CMAS: variants seen among roughly 807,000 people sequenced by gnomAD.
CMAS encodes the protein N-acylneuraminate cytidylyltransferase.
Under a neutral mutation model 53.4 loss-of-function variants are expected in CMAS, and 21 were observed. The observed-to-expected ratio is 0.39, with a 90% confidence interval of 0.28 to 0.57. The LOEUF (loss-of-function observed/expected upper bound fraction) is 0.57, where lower values mean the gene tolerates loss of function less well. CMAS is among the 20% of genes least tolerant of loss of function. The pLI is 0.56. For missense variants in CMAS, 384 were observed against 534.9 expected (o/e 0.72, Z 2.78); for synonymous variants, 189 against 195.2 (o/e 0.97, Z 0.27).
chr12:22,057,915 C>A (rs1474852050), intron 3 of CMAS, among the ~76,000 whole-genome samples: 2 of 151,222 alleles, frequency 1.3e-5, no homozygotes, highest in Admixed American at 6.6e-5. Context: ...GCAATCTCCC[C>A]CCCCCGGGTT....
chr12:22,064,728 T>C (rs1591796159), intron 7 of CMAS, among the ~76,000 whole-genome samples: 1 of 152,158 alleles, frequency 6.6e-6, no homozygotes, highest in Admixed American at 6.5e-5. Context: ...GAAAACAATA[T>C]TACTAAGTGA....
At chr12:22,057,472 A>G (rs1345100489) in intron 3 of CMAS, among the ~76,000 whole-genome samples, 1 of 152,216 alleles carries the variant, frequency 6.6e-6, no homozygotes, top group African/African-American at 2.4e-5. Flanking sequence ...TGTTACATAA[A>G]CATTTTCATC....
Position 22,065,505 on chromosome 12 carries a change from T to G in CMAS, c.*194T>G. 1.9e-6 allele frequency: 1 copy of G among 525,658 alleles called. No homozygotes were observed. 32.6% of individuals were successfully genotyped at this position (525,658 alleles called of 1,614,324 possible). ...ACTGATTACAGTCTTTCTCAGATTT[T>G]TAGTAAATGCAAGTAAGAACATCAT... On this transcript the variant is annotated 3_prime_UTR_variant, in exon 8 of 8. Coordinates refer to ENST00000229329, the MANE Select transcript of CMAS (RefSeq NM_018686.6).
intron 1 of CMAS, among the ~76,000 whole-genome samples, chr12:22,050,840 T>C (rs1008665367): frequency 5.3e-5 from 8 of 152,044 alleles, no homozygotes; most frequent in African/African-American, 1.9e-4. Context: ...CTAAGCTTCT[T>C]ATGAGCAAGT....
rs893688756 is a variant in CMAS, at chr12:22,047,617, C to G, written c.260+1054C>G. Among the ~76,000 whole-genome samples the G allele has an allele frequency of 2.0e-5, 3 of 152,156 alleles. No individual in the cohort carries two copies. In the East Asian group the frequency reaches 5.8e-4, roughly 29 times the overall value. ...CTTAATGTTTCAACCCAAAAGAAGT[C>G]CTGGATGGACCAAGGCAAATAGGAG... On this transcript the variant is annotated intron_variant, in intron 1 of 7. Coordinates refer to ENST00000229329, the MANE Select transcript of CMAS (RefSeq NM_018686.6).
Position 22,065,595 on chromosome 12 carries a change from TTTTA to T in CMAS, c.*290_*293del, listed in dbSNP as rs1313594189. On this transcript the variant is annotated 3_prime_UTR_variant, in exon 8 of 8. Coordinates refer to ENST00000229329, the MANE Select transcript of CMAS (RefSeq NM_018686.6). ...TTGTGTGCTTTCAAAGATGTTGGGATTTTATTTATCTGGGGACAGTGTGTATGGT... is the reference window on the plus strand; with the variant it reads ...TTGTGTGCTTTCAAAGATGTTGGGATTTTATCTGGGGACAGTGTGTATGGT... The T allele has an allele frequency of 3.3e-5, 8 of 240,562 alleles. No individual in the cohort carries two copies. The highest frequency in any genetic ancestry group is 6.7e-5 in the African/African-American group (3 of 44,930). The allele number at this position is 240,562 out of a possible 1,614,324, so 14.9% of individuals were successfully genotyped here. A position where few individuals can be genotyped will look rare whatever the true frequency, so the allele number is the denominator to read the frequency against.
chr12:22,058,490 A>G lies in CMAS; in HGVS notation c.560-77A>G, dbSNP rs1302371671. 5 of 1,295,946 alleles carry G rather than the reference A, an allele frequency of 3.9e-6. No individual in the cohort carries two copies. The African/African-American group carries it at 4.5e-5, about 12-fold the overall frequency. The allele number at this position is 1,295,946 out of a possible 1,614,324, so 80.3% of individuals were successfully genotyped here. ...TGCTCTGCATTCTGAGTTCATTTTT[A>G]TTAACTTTTTTAGTTACTAAATTAA... On this transcript the variant is annotated intron_variant, in intron 3 of 7. Coordinates refer to ENST00000229329, the MANE Select transcript of CMAS (RefSeq NM_018686.6).
At position 22,065,408 on chromosome 12, in the gene CMAS, G is replaced by C; in HGVS notation, c.*97G>C. ...AAATTCCATGTTGTAATGTTACAGA[G>C]AGTGTGATTTGGTTTGTGATATATA... On this transcript the variant is annotated 3_prime_UTR_variant, in exon 8 of 8. Coordinates refer to ENST00000229329, the MANE Select transcript of CMAS (RefSeq NM_018686.6). 1.1e-6 allele frequency: 1 copy of C among 941,512 alleles called. No homozygotes were observed. Among genetic ancestry groups the C allele is most frequent in the East Asian group, 2.5e-5 (1 of 40,782 alleles). 58.3% of individuals were successfully genotyped at this position (941,512 alleles called of 1,614,324 possible).
intron 1 of CMAS, among the ~76,000 whole-genome samples, chr12:22,047,229 T>C (rs1435716590): frequency 6.6e-6 from 1 of 152,190 alleles, no homozygotes; most frequent in African/African-American, 2.4e-5. Flanking sequence ...ATCATACCTT[T>C]GGAACCTCGC....
chr12:22,055,063 A>C (rs994389007), intron 1 of CMAS, 86 bp from the exon 2 acceptor site: 5 of 927,672 alleles, frequency 5.4e-6, no homozygotes, highest in African/African-American at 5.1e-5. Context: ...ACATTATATA[A>C]GCTGTATTTT....
At chr12:22,056,038 G>C (rs1205179480) in intron 3 of CMAS, among the ~76,000 whole-genome samples, 2 of 152,044 alleles carry the variant, frequency 1.3e-5, no homozygotes, top group African/African-American at 4.8e-5. Context: ...ATATAAGAAG[G>C]GTTCCCTAGG....
At chr12:22,049,215 G>A (rs1018120151) in intron 1 of CMAS, among the ~76,000 whole-genome samples, 2 of 152,118 alleles carry the variant, frequency 1.3e-5, no homozygotes, top group Non-Finnish European at 2.9e-5. Context: ...TGCTTGTATT[G>A]CTACAGTATA....
At chr12:22,047,341 C>A (rs1419298604) in intron 1 of CMAS, among the ~76,000 whole-genome samples, 2 of 152,142 alleles carry the variant, frequency 1.3e-5, no homozygotes, top group Admixed American at 1.3e-4. Flanking sequence ...AGATCGAATT[C>A]TGTGCCAAGA....
Position 22,055,395 on chromosome 12 carries a change from T to G in CMAS, c.404-60T>G, listed in dbSNP as rs542650735. ...ACATTTGAATTCCAAACCTTAATAT[T>G]ACTTGCTTGCAAGGAACTTTTTTTT... On this transcript the variant is annotated intron_variant, in intron 2 of 7. Transcript: ENST00000229329. 96 of 1,501,244 alleles carry G rather than the reference T, an allele frequency of 6.4e-5. 1 individual carries two copies. In the South Asian group the frequency reaches 1.1e-3, roughly 18 times the overall value. 93.0% of individuals were successfully genotyped at this position (1,501,244 alleles called of 1,614,324 possible). A position where few individuals can be genotyped will look rare whatever the true frequency, so the allele number is the denominator to read the frequency against.
In CMAS at chr12:22,046,431, C is replaced by A. The variant is rs750689411; in HGVS notation, c.128C>A (p.Pro43Gln). 1.0e-5 allele frequency: 16 copies of A among 1,607,896 alleles called. No homozygotes were observed. The highest frequency in any genetic ancestry group is 1.3e-5 in the Non-Finnish European group (15 of 1,177,958). ...CAGGGCCGAGGTGTGGAGAAGCCCC[C>A]GCACCTGGCAGCCCTAATTCTGGCC... The part of the protein sequence containing the change: ...GGQGRGVEKP[P>Q]HLAALILARG... The change falls in exon 1 of 8, where the codon CCG (proline) becomes CAG (glutamine). Residue 43 changes from proline to glutamine, a missense_variant. Transcript: ENST00000229329.
chr12:22,046,852 C>A (rs1950210290), intron 1 of CMAS, among the ~76,000 whole-genome samples: 2 of 152,200 alleles, frequency 1.3e-5, no homozygotes, highest in South Asian at 4.1e-4. Context: ...CCAACCGTCC[C>A]CTCCTCCCGG....
chr12:22,048,828 T>C (rs948487039), intron 1 of CMAS, among the ~76,000 whole-genome samples: 1 of 152,162 alleles, frequency 6.6e-6, no homozygotes, highest in Non-Finnish European at 1.5e-5. Flanking sequence ...CTCATAAGGA[T>C]AGAAGATTGT....
intron 1 of CMAS, among the ~76,000 whole-genome samples, chr12:22,054,818 C>T (rs994328650): frequency 4.6e-5 from 7 of 151,986 alleles, no homozygotes; most frequent in African/African-American, 1.7e-4. Flanking sequence ...CAGATTATTT[C>T]GTCATTCAGG....
At chr12:22,063,723 A>AT (rs548292461) in intron 7 of CMAS, 311 of 132,720 alleles carry the variant, frequency 2.3e-3, no homozygotes, top group African/African-American at 9.6e-3. Context: ...CTTATATGAC[A>AT]TTAAAAAAAA....
Sources: gnomAD v4.1 joint callset for allele counts (sites outside exome capture counted in the v4.1 genomes callset) on GRCh38, gnomAD v4.1.1 for gene constraint, MANE v1.5 for transcripts, NCBI Gene and HGNC (gene_info 2026-07-23, HGNC 2026-07-21) for gene names.